ORC2: variants seen among roughly 807,000 people sequenced by gnomAD.
ORC2 encodes the protein origin recognition complex protein 2 homolog.
Under a neutral mutation model 77.7 loss-of-function variants are expected in ORC2, and 37 were observed. The ratio of observed to expected loss-of-function variants is 0.48; its 90% CI spans 0.37 to 0.63. The LOEUF is 0.63. Ranked by LOEUF, ORC2 falls within the 20% of genes least tolerant of loss-of-function variation. The pLI is 0.00. For synonymous variants in ORC2, 201 were observed against 229.5 expected, an observed-to-expected ratio of 0.88 and a Z score of 1.12; for missense variants, 557 against 661.9, an observed-to-expected ratio of 0.84 and a Z score of 1.74.
Position 200,910,770 on chromosome 2 carries a change from C to T in ORC2, c.*531G>A, listed in dbSNP as rs559588050. On this transcript the variant is annotated 3_prime_UTR_variant, in exon 18 of 18. Transcript: ENST00000234296. ...TCCAAAAGGAGAAAGCTGGATCACTCACCTCTTCCCAATCTACACCTTTTA... is the reference window on the plus strand; with the variant it reads ...TCCAAAAGGAGAAAGCTGGATCACTTACCTCTTCCCAATCTACACCTTTTA... The T allele has an allele frequency of 7.9e-5, 12 of 152,422 alleles. No homozygotes were observed. Among genetic ancestry groups the T allele is most frequent in the African/African-American group, 2.9e-4 (12 of 41,216 alleles). The allele number at this position is 152,422 out of a possible 1,614,324, so 9.4% of individuals were successfully genotyped here.
intron 5 of ORC2, among the ~76,000 whole-genome samples, chr2:200,946,670 T>C (rs1415411609): frequency 6.6e-6 from 1 of 152,234 alleles, no homozygotes; most frequent in African/African-American, 2.4e-5. Flanking sequence ...GTTATGAGCA[T>C]GCTAATTCTC....
chr2:200,920,392 C>A lies in ORC2; in HGVS notation c.1296G>T (p.Met432Ile). ...AAAGACTCTGCTTTGCATGATCCCA[C>A]ACTAGCACATGATCAAAGAAAACAA... ...ASIDHLNAPL[M>I]WDHAKQSLFN... The change falls in exon 15 of 18, where the codon ATG (methionine) becomes ATT (isoleucine). Residue 432 changes from methionine (M) to isoleucine (I), a missense_variant and splice_region_variant. Coordinates refer to ENST00000234296, the MANE Select transcript of ORC2 (RefSeq NM_006190.5). 6.5e-7 allele frequency: 1 copy of A among 1,547,252 alleles called. No homozygotes were observed. Among genetic ancestry groups the A allele is most frequent in the Non-Finnish European group, 8.7e-7 (1 of 1,144,280 alleles).
intron 4 of ORC2, among the ~76,000 whole-genome samples, chr2:200,956,518 C>T (rs949974140): frequency 2.6e-5 from 4 of 151,148 alleles, no homozygotes; most frequent in Non-Finnish European, 2.9e-5. Context: ...TTTGTAGAAA[C>T]GGGATCTTAC....
intron 15 of ORC2, among the ~76,000 whole-genome samples, chr2:200,919,796 A>G (rs2040725100): frequency 6.6e-6 from 1 of 152,224 alleles, no homozygotes; most frequent in African/African-American, 2.4e-5. Context: ...TGAGTTTTGG[A>G]GCTGGCATAT....
At chr2:200,945,763 C>T (rs1191092754) in intron 5 of ORC2, among the ~76,000 whole-genome samples, 1 of 152,036 alleles carries the variant, frequency 6.6e-6, no homozygotes, top group East Asian at 1.9e-4. Context: ...TAAAAAGATA[C>T]TTATTTTCTT....
chr2:200,941,106 T>G (rs1357845784), intron 7 of ORC2, 142 bp downstream of exon 7: 4 of 546,278 alleles, frequency 7.3e-6, no homozygotes, highest in Non-Finnish European at 9.7e-6. Context: ...ACCTATAAGT[T>G]AGGTATTTAA....
intron 10 of ORC2, among the ~76,000 whole-genome samples, chr2:200,933,575 T>G (rs2040981451): frequency 6.6e-6 from 1 of 152,154 alleles, no homozygotes; most frequent in South Asian, 2.1e-4. Flanking sequence ...ATTTATTTAT[T>G]TATTTAAATT....
chr2:200,946,601 T>G (rs1308491985), intron 5 of ORC2, among the ~76,000 whole-genome samples: 1 of 152,242 alleles, frequency 6.6e-6, no homozygotes, highest in African/African-American at 2.4e-5. Context: ...ATGCGCAGAA[T>G]GAGGATAATA....
At position 200,935,891 on chromosome 2, in the gene ORC2, A is replaced by G; in HGVS notation, c.516T>C (p.Val172=). The G allele has an allele frequency of 6.2e-7, 1 of 1,610,644 alleles. No individual in the cohort carries two copies. The highest frequency in any genetic ancestry group is 1.1e-5 in the South Asian group (1 of 90,410). Residue 172 remains valine, a splice_region_variant and synonymous_variant, in exon 9 of 18, where the codon GTT becomes GTC. Transcript: ENST00000234296. ...TTTCACTGTCAGAATGAGACCTTGGAACTGTGGGGGGAAAAATAGCAATTT... is the reference window on the plus strand; with the variant it reads ...TTTCACTGTCAGAATGAGACCTTGGGACTGTGGGGGGAAAAATAGCAATTT... ...APRSLRKRLI[V]PRSHSDSESE...
chr2:200,949,591 A>G lies in ORC2; in HGVS notation c.291T>C (p.Phe97=). The G allele has an allele frequency of 6.2e-7, 1 of 1,602,076 alleles. No homozygotes were observed. The highest frequency in any genetic ancestry group is 8.5e-7 in the Non-Finnish European group (1 of 1,170,598). ...ATGGGNKVYS[F]QNRKHSEKMA... ...TCTTTTCAGAGTGTTTTCTATTCTGAAAAGAATAAACTTTATTTCCACCAC... is the reference window on the plus strand; with the variant it reads ...TCTTTTCAGAGTGTTTTCTATTCTGGAAAGAATAAACTTTATTTCCACCAC... The change falls in exon 5 of 18, where the codon TTT becomes TTC. Residue 97 remains phenylalanine, a synonymous_variant. Coordinates refer to ENST00000234296, the MANE Select transcript of ORC2 (RefSeq NM_006190.5).
intron 5 of ORC2, among the ~76,000 whole-genome samples, chr2:200,949,251 A>G (rs2041306035): frequency 6.6e-6 from 1 of 152,054 alleles, no homozygotes; most frequent in Admixed American, 6.5e-5. Context: ...TAAAAAAAAA[A>G]AAAAAGAAAC....
At chr2:200,936,989 TA>T (rs1280587241) in intron 8 of ORC2, among the ~76,000 whole-genome samples, 41 of 141,912 alleles carry the variant, frequency 2.9e-4, no homozygotes, top group Admixed American at 2.1e-4. Flanking sequence ...ATGTAGATAT[TA>T]AAAAAAAAAA....
At chr2:200,947,769 T>A (rs536279542) in intron 5 of ORC2, among the ~76,000 whole-genome samples, 1 of 152,282 alleles carries the variant, frequency 6.6e-6, no homozygotes, top group Non-Finnish European at 1.5e-5. Context: ...AGGGTTTCAC[T>A]CTGTCACCCA....
chr2:200,919,504 G>A (rs1207667607), intron 15 of ORC2, among the ~76,000 whole-genome samples: 1 of 152,114 alleles, frequency 6.6e-6, no homozygotes, highest in Admixed American at 6.6e-5. Context: ...GACTACAGGT[G>A]CGTGCCACCA....
intron 4 of ORC2, among the ~76,000 whole-genome samples, chr2:200,952,335 C>T (rs2041373379): frequency 6.6e-6 from 1 of 152,124 alleles, no homozygotes; most frequent in Non-Finnish European, 1.5e-5. Context: ...TCTAGGCTCA[C>T]TGCAAGCTCT....
chr2:200,944,738 C>T (rs1183439379), intron 5 of ORC2, among the ~76,000 whole-genome samples: 1 of 152,150 alleles, frequency 6.6e-6, no homozygotes, highest in Non-Finnish European at 1.5e-5. Flanking sequence ...CTGGGTCTTC[C>T]TATGTTGCTC....
Position 200,911,398 on chromosome 2 carries a change from TAAG to T in ORC2, c.1648-14_1648-12del. On this transcript the variant is annotated splice_polypyrimidine_tract_variant and intron_variant, in intron 17 of 17. Coordinates refer to ENST00000234296, the MANE Select transcript of ORC2 (RefSeq NM_006190.5). ...TACTCCATCAGTTCCCTGAAAGATT[TAAG>T]AATACCTGTACGTTAGTCATTCATA... 1 of 1,442,266 alleles carries T rather than the reference TAAG, an allele frequency of 6.9e-7. No homozygotes were observed. The allele number at this position is 1,442,266 out of a possible 1,614,324, so 89.3% of individuals were successfully genotyped here. A position where few individuals can be genotyped will look rare whatever the true frequency, so the allele number is the denominator to read the frequency against.
At chr2:200,922,375 T>TAAAA (rs777219779) in intron 13 of ORC2, among the ~76,000 whole-genome samples, 1 of 68,466 alleles carries the variant, frequency 1.5e-5, no homozygotes. Flanking sequence ...ATGAAATAGG[T>TAAAA]AAAAAAAAAA....
chr2:200,935,954 G>GTAAA, intron 8 of ORC2, 62 bp from the exon 9 acceptor site: 1 of 1,428,040 alleles, frequency 7.0e-7, no homozygotes, highest in Non-Finnish European at 9.6e-7. Flanking sequence ...GCATTGTGGG[G>GTAAA]TAAAGCAAAG....
Sources: allele counts gnomAD v4.1 joint callset (sites outside exome capture counted in the v4.1 genomes callset), GRCh38; gene constraint gnomAD v4.1.1; transcripts MANE v1.5; gene names NCBI Gene and HGNC (gene_info 2026-07-23, HGNC 2026-07-21).